Variants in SOX6 observed in about 807,000 individuals in gnomAD.
The protein encoded by SOX6 is transcription factor SOX-6.
Under a neutral mutation model 97.8 loss-of-function variants are expected in SOX6, and 11 were observed. The observed-to-expected ratio is 0.11, with a 90% CI of 0.07 to 0.19. The LOEUF is 0.19. Among genes scored for constraint, SOX6 ranks in the 10% least tolerant of loss-of-function variants. SOX6 has a pLI of 1.00. For synonymous variants in SOX6, 360 were observed against 371.4 expected (o/e 0.97, Z 0.35); for missense variants, 810 against 1,039.5 (o/e 0.78, Z 3.04).
intron 7 of SOX6, among the ~76,000 whole-genome samples, chr11:16,103,612 A>T (rs1347346792): frequency 2.0e-5 from 3 of 152,090 alleles, no homozygotes; most frequent in East Asian, 3.9e-4. Flanking sequence ...AAATATGGAA[A>T]CAGCCCAAAT....
At chr11:16,546,681 G>A (rs1305210976) in intron 4 of SOX6, among the ~76,000 whole-genome samples, 1 of 152,054 alleles carries the variant, frequency 6.6e-6, no homozygotes, top group East Asian at 1.9e-4. Context: ...TACAGGGGAA[G>A]TGCTTCAGGA....
intron 3 of SOX6, among the ~76,000 whole-genome samples, chr11:16,666,481 G>T (rs1357295412): frequency 6.6e-6 from 1 of 152,152 alleles, no homozygotes; most frequent in African/African-American, 2.4e-5. Flanking sequence ...GGAGAAGAAA[G>T]AATTAGTGAG....
chr11:16,554,060 T>C lies in SOX6; in HGVS notation n.609+58021A>G, dbSNP rs78964528. On this transcript the variant is annotated intron_variant and non_coding_transcript_variant, in intron 4 of 5. Transcript: ENST00000524520. ...AAAGAGGATTGGTCATAGGGACCTA[T>C]AGTTTCAAAAGAAAAGATAATAAAT... 9.6e-3 allele frequency among the ~76,000 whole-genome samples: 1,455 copies of C among 152,206 alleles called. 22 individuals are homozygous for C. Among genetic ancestry groups the C allele is most frequent in the African/African-American group, 0.033 (1,374 of 41,540 alleles).
At chr11:16,667,218 C>T in intron 3 of SOX6, among the ~76,000 whole-genome samples, 1 of 152,036 alleles carries the variant, frequency 6.6e-6, no homozygotes, top group Non-Finnish European at 1.5e-5. Flanking sequence ...CCAGCCTGGG[C>T]AACAGCCAGA....
rs142134810 is a variant in SOX6, at chr11:16,030,656, G to A, written c.1624-15606C>T. 5.0e-3 allele frequency among the ~76,000 whole-genome samples: 761 copies of A among 152,196 alleles called. 11 individuals carry two copies. Among genetic ancestry groups the A allele is most frequent in the Admixed American group, 0.031 (476 of 15,288 alleles). The stretch of plus-strand genomic sequence containing the variant: ...TGTTTTGATCTCATTGTATTATGCT[G>A]ATCTGTAAATCCATCTACATTTAGC... On this transcript the variant is annotated intron_variant, in intron 12 of 15. Transcript: ENST00000683767.
chr11:16,487,488 T>A (rs988137094), intron 4 of SOX6, among the ~76,000 whole-genome samples: 10 of 152,184 alleles, frequency 6.6e-5, no homozygotes, highest in Admixed American at 3.3e-4. Flanking sequence ...CACTATCATA[T>A]CCAGAAAGAG....
intron 2 of SOX6, among the ~76,000 whole-genome samples, chr11:16,319,124 G>C (rs909562600): frequency 6.6e-6 from 1 of 152,138 alleles, no homozygotes; most frequent in Admixed American, 6.6e-5. Flanking sequence ...AGAACAAGTA[G>C]AAAAGTTAGC....
At chr11:16,141,213 T>C (rs757906999) in intron 6 of SOX6, among the ~76,000 whole-genome samples, 1 of 152,148 alleles carries the variant, frequency 6.6e-6, no homozygotes, top group Admixed American at 6.5e-5. Flanking sequence ...ATTTCTCCAT[T>C]AGATTTCCAT....
chr11:16,311,739 C>A (rs1181721606), intron 3 of SOX6: 1 of 152,118 alleles, frequency 6.6e-6, no homozygotes, highest in African/African-American at 2.4e-5. Flanking sequence ...AACTTAGATT[C>A]AAACTCAGAT....
chr11:16,169,571 C>CA (rs11447563), intron 6 of SOX6, among the ~76,000 whole-genome samples: 89,272 of 151,886 alleles, frequency 0.59, 27,244 homozygotes, highest in East Asian at 0.75. Flanking sequence ...ACCCCTTTAA[C>CA]AGATGGATTT....
chr11:16,177,454 G>A (rs1380764730), intron 6 of SOX6, among the ~76,000 whole-genome samples: 1 of 151,472 alleles, frequency 6.6e-6, no homozygotes, highest in African/African-American at 2.4e-5. Flanking sequence ...TTTTCTTTTG[G>A]TGTATATACA....
At chr11:16,317,606 T>C (rs2134300421) in intron 3 of SOX6, 1 of 154,638 alleles carries the variant, frequency 6.5e-6, no homozygotes, top group East Asian at 1.9e-4. Flanking sequence ...TTTTAAGTTT[T>C]TGAGCCCTCA....
Position 16,186,974 on chromosome 11 carries a change from G to A in SOX6, c.536-19C>T. 1 of 1,613,552 alleles carries A rather than the reference G, an allele frequency of 6.2e-7. No homozygotes were observed. Among genetic ancestry groups the A allele is most frequent in the South Asian group, 1.1e-5 (1 of 91,066 alleles). ...GGTGTACCTAAAATGGAAGCAAGAA[G>A]AGATCTCACAAGCTTGAGAAATACC... On this transcript the variant is annotated intron_variant, in intron 4 of 15. Coordinates refer to ENST00000683767, the MANE Select transcript of SOX6 (RefSeq NM_001367873.1).
At chr11:16,174,184 TG>T (rs1263165469) in intron 6 of SOX6, among the ~76,000 whole-genome samples, 1 of 151,790 alleles carries the variant, frequency 6.6e-6, no homozygotes, top group African/African-American at 2.4e-5. Flanking sequence ...TAAACACAGT[TG>T]AAGTTATGAA....
At chr11:16,165,568 T>C (rs1247806874) in intron 6 of SOX6, among the ~76,000 whole-genome samples, 1 of 152,170 alleles carries the variant, frequency 6.6e-6, no homozygotes, top group East Asian at 1.9e-4. Context: ...GCATTACTGA[T>C]TTTCAAAAAC....
chr11:16,373,862 AG>A (rs1857567424), intron 1 of SOX6, among the ~76,000 whole-genome samples: 2 of 35,674 alleles, frequency 5.6e-5, no homozygotes, highest in Non-Finnish European at 7.9e-5. Context: ...GAAGGAAGGA[AG>A]GAAGGAAGGA....
At chr11:16,341,729 G>A (rs1041229196) in intron 1 of SOX6, among the ~76,000 whole-genome samples, 6 of 151,972 alleles carry the variant, frequency 3.9e-5, no homozygotes, top group African/African-American at 9.7e-5. Context: ...GGATATGTAG[G>A]AAAATATAAT....
intron 3 of SOX6, among the ~76,000 whole-genome samples, chr11:16,674,677 A>G (rs1303878410): frequency 6.6e-6 from 1 of 151,874 alleles, no homozygotes; most frequent in African/African-American, 2.4e-5. Flanking sequence ...AAGGCTGGGC[A>G]TGGTAGCTCA....
intron 12 of SOX6, among the ~76,000 whole-genome samples, chr11:16,024,118 A>T (rs1415283437): frequency 6.6e-6 from 1 of 152,076 alleles, no homozygotes; most frequent in Admixed American, 6.6e-5. Flanking sequence ...ATCTGGACAC[A>T]AAAAAGGACA....
Sources: allele counts gnomAD v4.1 joint callset (sites outside exome capture counted in the v4.1 genomes callset), GRCh38; gene constraint gnomAD v4.1.1; transcripts MANE v1.5; gene names NCBI Gene and HGNC (gene_info 2026-07-23, HGNC 2026-07-21).